The following RBFOX1 variants were observed in gnomAD, a reference collection of about 807,000 sequenced individuals.
RBFOX1 encodes RNA binding protein fox-1 homolog 1.
In RBFOX1, 8 loss-of-function variants were observed where a neutral mutation model predicts 57.7. The ratio of observed to expected loss-of-function variants is 0.14; its 90% CI spans 0.08 to 0.25. The LOEUF (loss-of-function observed/expected upper bound fraction) is 0.25. Among genes scored for constraint, RBFOX1 ranks in the 10% least tolerant of loss-of-function variants. The pLI is 1.00. For missense variants in RBFOX1, 611 were observed against 548.5 expected (o/e 1.11, Z -1.14); for synonymous variants, 326 against 222.4 (o/e 1.47, Z -4.15).
intron 2 of RBFOX1, among the ~76,000 whole-genome samples, chr16:6,556,287 A>C (rs912325449): frequency 6.6e-6 from 1 of 152,030 alleles, no homozygotes; most frequent in South Asian, 2.1e-4. Flanking sequence ...AGTCAGGGGG[A>C]GATTTTATTA....
intron 2 of RBFOX1, among the ~76,000 whole-genome samples, chr16:6,532,690 G>C (rs558440997): frequency 6.6e-6 from 1 of 152,194 alleles, no homozygotes; most frequent in South Asian, 2.1e-4. Flanking sequence ...TTCTGCTCTG[G>C]ATTCCTCTCC....
intron 1 of RBFOX1, among the ~76,000 whole-genome samples, chr16:5,460,756 C>G (rs1294377108): frequency 1.3e-5 from 2 of 152,156 alleles, no homozygotes; most frequent in African/African-American, 2.4e-5. Context: ...TTCCCTTAGG[C>G]GAGGAAGATG....
At chr16:6,688,322 T>C (rs1019525799) in intron 3 of RBFOX1, among the ~76,000 whole-genome samples, 8 of 152,138 alleles carry the variant, frequency 5.3e-5, no homozygotes, top group African/African-American at 1.9e-4. Context: ...GAGATGGTGC[T>C]AAACCATTAG....
chr16:6,429,036 C>T (rs745993652), intron 2 of RBFOX1, among the ~76,000 whole-genome samples: 4 of 152,164 alleles, frequency 2.6e-5, no homozygotes, highest in African/African-American at 4.8e-5. Context: ...TGTGCTGTTT[C>T]CTGGAAGAGG....
intron 1 of RBFOX1, among the ~76,000 whole-genome samples, chr16:6,240,558 C>G (rs889957205): frequency 6.6e-5 from 10 of 152,058 alleles, no homozygotes; most frequent in African/African-American, 1.9e-4. Flanking sequence ...TCATCTTATA[C>G]TTTGTCTGCA....
At chr16:5,266,817 C>T (rs2062871202) in intron 1 of RBFOX1, among the ~76,000 whole-genome samples, 1 of 151,934 alleles carries the variant, frequency 6.6e-6, no homozygotes. Context: ...CCTCGGCCTC[C>T]CAAAGTGCTG....
rs570876323 is a variant in RBFOX1 at position 7,107,367 on chromosome 16, A to T, written c.27+55269A>T. Among the ~76,000 whole-genome samples the T allele has an allele frequency of 2.9e-4, 44 of 152,270 alleles. 1 individual carries two copies. The South Asian group carries it at 8.7e-3, about 30-fold the overall frequency. On this transcript the variant is annotated intron_variant, in intron 4 of 15. Coordinates refer to ENST00000550418, the MANE Select transcript of RBFOX1 (RefSeq NM_018723.4). ...CATATTCTGGGGTATTATTAGCTCA[A>T]ACTGGAAGGGGGCCACTCTAGGGTG...
At chr16:5,832,783 A>G (rs115876882) in intron 3 of RBFOX1, among the ~76,000 whole-genome samples, 2 of 152,280 alleles carry the variant, frequency 1.3e-5, no homozygotes, top group African/African-American at 4.8e-5. Context: ...GGAACCAAAG[A>G]TGTTCTGGAA....
intron 3 of RBFOX1, among the ~76,000 whole-genome samples, chr16:6,675,204 C>T (rs1432696862): frequency 2.6e-5 from 4 of 152,122 alleles, no homozygotes; most frequent in Admixed American, 1.3e-4. Context: ...GCGCCCGGCC[C>T]ATTTCTGTTG....
rs566966670 is a variant in RBFOX1 at position 7,004,805 on chromosome 16, T to A, written c.-15-47252T>A. Among the ~76,000 whole-genome samples the A allele has an allele frequency of 1.1e-4, 17 of 152,270 alleles. No individual in the cohort carries two copies. In the South Asian group the frequency reaches 3.5e-3, roughly 32 times the overall value. On this transcript the variant is annotated intron_variant, in intron 3 of 15. Coordinates refer to ENST00000550418, the MANE Select transcript of RBFOX1 (RefSeq NM_018723.4). ...AGATAACCTAATCCACGTGTCTCTA[T>A]AAGTGGCTGGGTCAGCTGTTGGAAC...
intron 4 of RBFOX1, among the ~76,000 whole-genome samples, chr16:7,321,675 A>C (rs905329808): frequency 6.6e-6 from 1 of 152,338 alleles, no homozygotes. Flanking sequence ...AGGAGTTAGA[A>C]GATGTTTGGC....
intron 3 of RBFOX1, among the ~76,000 whole-genome samples, chr16:5,855,837 T>C (rs2057011515): frequency 6.6e-6 from 1 of 152,046 alleles, no homozygotes; most frequent in African/African-American, 2.4e-5. Flanking sequence ...CAATATTTAT[T>C]AATCCTATCC....
chr16:5,287,441 C>G (rs1370021469), intron 1 of RBFOX1, among the ~76,000 whole-genome samples: 1 of 152,224 alleles, frequency 6.6e-6, no homozygotes, highest in Admixed American at 6.5e-5. Flanking sequence ...AGATCTCCAT[C>G]TAGCTATTAA....
At chr16:6,103,120 A>G (rs1597337249) in intron 1 of RBFOX1, among the ~76,000 whole-genome samples, 1 of 152,224 alleles carries the variant, frequency 6.6e-6, no homozygotes, top group Non-Finnish European at 1.5e-5. Context: ...TGTGTGTCAG[A>G]TATCTGAGAA....
At chr16:6,489,192 A>G (rs1220809870) in intron 2 of RBFOX1, among the ~76,000 whole-genome samples, 1 of 152,224 alleles carries the variant, frequency 6.6e-6, no homozygotes, top group Non-Finnish European at 1.5e-5. Context: ...TCACTAGAAG[A>G]GAAATGTAAC....
chr16:6,029,271 A>G (rs916719485), intron 1 of RBFOX1, among the ~76,000 whole-genome samples: 3 of 152,236 alleles, frequency 2.0e-5, no homozygotes, highest in Non-Finnish European at 2.9e-5. Flanking sequence ...ATAATCTTCA[A>G]AAGTTCATAA....
intron 4 of RBFOX1, among the ~76,000 whole-genome samples, chr16:5,971,384 T>C (rs894139907): frequency 6.6e-6 from 1 of 152,178 alleles, no homozygotes; most frequent in Non-Finnish European, 1.5e-5. Flanking sequence ...GTAAATAAGA[T>C]ATGCTGGGTG....
chr16:7,387,773 C>T (rs1297311998), intron 4 of RBFOX1, among the ~76,000 whole-genome samples: 3 of 152,140 alleles, frequency 2.0e-5, no homozygotes, highest in Admixed American at 6.5e-5. Context: ...CAGCAAAGCC[C>T]CTCATCTTTT....
At chr16:6,921,746 T>G (rs1346570837) in intron 3 of RBFOX1, among the ~76,000 whole-genome samples, 1 of 151,610 alleles carries the variant, frequency 6.6e-6, no homozygotes, top group Non-Finnish European at 1.5e-5. Context: ...TGAGCATATG[T>G]ATGTGTGTGT....
Sources: gnomAD v4.1 joint callset for allele counts (sites outside exome capture counted in the v4.1 genomes callset) on GRCh38, gnomAD v4.1.1 for gene constraint, MANE v1.5 for transcripts, NCBI Gene and HGNC (gene_info 2026-07-23, HGNC 2026-07-21) for gene names.